Variants in TMEM63C observed in about 807,000 individuals in gnomAD.
TMEM63C encodes the protein transmembrane protein 63C.
A neutral mutation model predicts 99.2 loss-of-function variants in TMEM63C; 32 were observed. That is an observed-to-expected ratio of 0.32 (90% CI 0.24 to 0.43). TMEM63C has a LOEUF of 0.43. TMEM63C is among the 20% of genes least tolerant of loss of function. The probability of loss-of-function intolerance (pLI) is 1.00; values close to 1 mark genes in which losing one functional copy is unlikely to be tolerated. For synonymous variants in TMEM63C, 376 were observed against 397.9 expected, an observed-to-expected ratio of 0.94 and a Z score of 0.66; for missense variants, 826 against 1,053.0, an observed-to-expected ratio of 0.78 and a Z score of 2.98.
In TMEM63C at chr14:77,258,916, A is replaced by C. The variant is rs1889527902; in HGVS notation, c.*2190A>C. Reference sequence around the variant, plus strand: ...CTGGGTCCAGTGTAGCCTGGCTCTGAGAGAAGGTGGTGAGCATGTGGAGAA... The same window carrying C: ...CTGGGTCCAGTGTAGCCTGGCTCTGCGAGAAGGTGGTGAGCATGTGGAGAA... On this transcript the variant is annotated 3_prime_UTR_variant, in exon 24 of 24. Coordinates refer to ENST00000298351, the MANE Select transcript of TMEM63C (RefSeq NM_020431.4). 6.6e-6 allele frequency: 1 copy of C among 152,288 alleles called. No homozygotes were observed. The highest frequency in any genetic ancestry group is 2.4e-5 in the African/African-American group (1 of 41,446). 9.4% of individuals were successfully genotyped at this position (152,288 alleles called of 1,614,324 possible).
chr14:77,227,922 G>A (rs1021259337), intron 6 of TMEM63C, among the ~76,000 whole-genome samples: 5 of 152,264 alleles, frequency 3.3e-5, no homozygotes, highest in Non-Finnish European at 5.9e-5. Context: ...AACAGGTCAG[G>A]GAACAGATCA....
chr14:77,255,126 G>T (rs1451613912), intron 23 of TMEM63C, among the ~76,000 whole-genome samples: 2 of 152,144 alleles, frequency 1.3e-5, no homozygotes, highest in Admixed American at 6.5e-5. Context: ...GAGTAGCTGG[G>T]ATTACAGGCA....
chr14:77,199,910 T>C (rs919852293), intron 1 of TMEM63C, among the ~76,000 whole-genome samples: 1 of 151,984 alleles, frequency 6.6e-6, no homozygotes, highest in African/African-American at 2.4e-5. Flanking sequence ...GAAACTAAAA[T>C]GTAGGTGAGA....
intron 21 of TMEM63C, 144 bp from the exon 22 acceptor site, chr14:77,251,645 C>G: frequency 1.5e-6 from 1 of 648,260 alleles, no homozygotes; most frequent in Non-Finnish European, 2.8e-6. Flanking sequence ...TTTTGTCAGA[C>G]TCCTAGATGC....
chr14:77,220,528 G>A (rs1484925141), intron 5 of TMEM63C, among the ~76,000 whole-genome samples: 5 of 152,094 alleles, frequency 3.3e-5, no homozygotes, highest in African/African-American at 4.8e-5. Flanking sequence ...AGCGCAGTCT[G>A]CTGTTTCCTC....
chr14:77,219,595 T>C lies in TMEM63C; in HGVS notation c.230+18T>C, dbSNP rs1219351830. 5.0e-6 allele frequency: 8 copies of C among 1,613,358 alleles called. No homozygotes were observed. In the Admixed American group the frequency reaches 5.0e-5, roughly 10 times the overall value. On this transcript the variant is annotated intron_variant, in intron 4 of 23. Transcript: ENST00000298351. ...AATGACAGGTGAGGAGGGGTCGAGA[T>C]GGGTGAGCCGTTGCCCCCTTGGGGA...
Position 77,258,366 on chromosome 14 carries a change from A to G in TMEM63C, c.*1640A>G, listed in dbSNP as rs1889512754. ...CACCTTTGCCCCATCCTAGCCCCAG[A>G]AGCTCCAAGCTTCACCGCAGGTGAG... On this transcript the variant is annotated 3_prime_UTR_variant, in exon 24 of 24. Coordinates refer to ENST00000298351, the MANE Select transcript of TMEM63C (RefSeq NM_020431.4). 1 of 152,460 alleles carries G rather than the reference A, an allele frequency of 6.6e-6. No homozygotes were observed. Among genetic ancestry groups the G allele is most frequent in the African/African-American group, 2.4e-5 (1 of 41,460 alleles). 9.4% of individuals were successfully genotyped at this position (152,460 alleles called of 1,614,324 possible). A position where few individuals can be genotyped will look rare whatever the true frequency, so the allele number is the denominator to read the frequency against.
intron 1 of TMEM63C, among the ~76,000 whole-genome samples, chr14:77,209,938 G>A (rs896154841): frequency 7.9e-5 from 12 of 151,980 alleles, no homozygotes; most frequent in African/African-American, 2.2e-4. Context: ...CCACAGATTC[G>A]GGACCAGCTG....
chr14:77,252,784 T>G (rs1251972231), intron 22 of TMEM63C, among the ~76,000 whole-genome samples: 1 of 152,160 alleles, frequency 6.6e-6, no homozygotes, highest in Non-Finnish European at 1.5e-5. Flanking sequence ...CCCACTGCCC[T>G]CTCCGCCCAG....
Position 77,225,416 on chromosome 14 carries a change from C to T in TMEM63C, c.313-8C>T. Reference sequence around the variant, plus strand: ...GGTTTTCTCACAGTTTCTCTCCTTTCCCCGCAGGGATTCTGTTCCTGGTTC... The same window carrying T: ...GGTTTTCTCACAGTTTCTCTCCTTTTCCCGCAGGGATTCTGTTCCTGGTTC... On this transcript the variant is annotated splice_polypyrimidine_tract_variant and splice_region_variant and intron_variant, in intron 5 of 23. Transcript: ENST00000298351. 1.2e-6 allele frequency: 2 copies of T among 1,612,836 alleles called. No individual in the cohort carries two copies. The highest frequency in any genetic ancestry group is 1.1e-5 in the South Asian group (1 of 90,952).
chr14:77,249,151 A>G (rs904485632), intron 20 of TMEM63C, 140 bp from the exon 21 acceptor site: 22 of 884,732 alleles, frequency 2.5e-5, no homozygotes, highest in Non-Finnish European at 3.4e-5. Context: ...GGTCAGTACC[A>G]CGGAGCTCCC....
chr14:77,239,549 G>A (rs762526395), intron 11 of TMEM63C, 54 bp from the exon 12 acceptor site: 1 of 1,612,230 alleles, frequency 6.2e-7, no homozygotes, highest in South Asian at 1.1e-5. Flanking sequence ...GGGAGGATGG[G>A]GCTCTGCTGG....
intron 1 of TMEM63C, among the ~76,000 whole-genome samples, chr14:77,194,539 TTC>T (rs368174776): frequency 0.48 from 13,827 of 28,612 alleles, 1,342 homozygotes; most frequent in Admixed American, 0.55. Context: ...CTTTCTTTCT[TTC>T]TTTCTTTCTT....
intron 9 of TMEM63C, 65 bp from the exon 10 acceptor site, chr14:77,238,629 C>A: frequency 7.5e-7 from 1 of 1,342,142 alleles, no homozygotes; most frequent in Non-Finnish European, 1.1e-6. Flanking sequence ...CACCAAAAGA[C>A]TGAGGTGTCT....
chr14:77,224,250 A>C (rs1888777286), intron 5 of TMEM63C, among the ~76,000 whole-genome samples: 1 of 152,046 alleles, frequency 6.6e-6, no homozygotes, highest in Non-Finnish European at 1.5e-5. Context: ...CAACGAGGAC[A>C]GGCAAAAAAG....
chr14:77,182,445 C>T (rs1566613144), intron 1 of TMEM63C, among the ~76,000 whole-genome samples: 1 of 152,214 alleles, frequency 6.6e-6, no homozygotes, highest in African/African-American at 2.4e-5. Context: ...AGGCTCTTGC[C>T]TCCCTACTCG....
Position 77,233,491 on chromosome 14 carries a change from T to C in TMEM63C, c.533T>C (p.Val178Ala). Residue 178 changes from valine (V) to alanine (A), a missense_variant, in exon 8 of 24, where the codon GTC becomes GCC. Transcript: ENST00000298351. ...SHFARTTIVN[V>A]STESKLLWLH... ...TTTGCTCGGACCACCATTGTCAATG[T>C]CTCCACAGAGTAGGTACCTGATCTT... The C allele has an allele frequency of 6.2e-7, 1 of 1,613,464 alleles. No homozygotes were observed.
chr14:77,194,548 TC>T (rs1274746385), intron 1 of TMEM63C, among the ~76,000 whole-genome samples: 13 of 17,140 alleles, frequency 7.6e-4, no homozygotes, highest in East Asian at 1.3e-3. Flanking sequence ...TTTCTTTCTT[TC>T]TTTCTCTTTC....
chr14:77,222,563 T>C (rs907549985), intron 5 of TMEM63C, among the ~76,000 whole-genome samples: 1 of 152,216 alleles, frequency 6.6e-6, no homozygotes, highest in Admixed American at 6.5e-5. Context: ...TTGCAGATGC[T>C]GTGCCGTGGC....
Sources: gnomAD v4.1 joint callset for allele counts (sites outside exome capture counted in the v4.1 genomes callset) on GRCh38, gnomAD v4.1.1 for gene constraint, MANE v1.5 for transcripts, NCBI Gene and HGNC (gene_info 2026-07-23, HGNC 2026-07-21) for gene names.